The following GSDMD variants were observed in gnomAD, a reference collection of about 807,000 sequenced individuals.
GSDMD encodes the protein gasdermin D, also known as gasdermin-D.
In GSDMD, 46 loss-of-function variants were observed where a neutral mutation model predicts 46.7. The observed-to-expected ratio is 0.99, with a 90% CI of 0.78 to 1.26. The LOEUF (loss-of-function observed/expected upper bound fraction) is 1.26, where lower values mean the gene tolerates loss of function less well. GSDMD is among the 50% of genes most tolerant of loss of function. The pLI is 0.00. For missense variants in GSDMD, 649 were observed against 638.8 expected (o/e 1.02, Z -0.17); for synonymous variants, 307 against 283.1 (o/e 1.08, Z -0.85).
Position 143,561,289 on chromosome 8 carries a change from G to A in GSDMD, c.683-81G>A, listed in dbSNP as rs1823454092. 3.6e-6 allele frequency: 5 copies of A among 1,381,346 alleles called. No individual in the cohort carries two copies. The Admixed American group carries it at 7.9e-5, about 22-fold the overall frequency. 85.6% of individuals were successfully genotyped at this position (1,381,346 alleles called of 1,614,324 possible). A position where few individuals can be genotyped will look rare whatever the true frequency, so the allele number is the denominator to read the frequency against. ...TTGGGCAGGGCCTGAGCTGGACAGG[G>A]GAGCTCCTAGTAGGGGAGGGGAGGG... On this transcript the variant is annotated intron_variant, in intron 5 of 10. Transcript: ENST00000262580.
At position 143,562,329 on chromosome 8, in the gene GSDMD, T is replaced by C; in HGVS notation, c.1117T>C (p.Tyr373His). 7.5e-7 allele frequency: 1 copy of C among 1,337,090 alleles called. No homozygotes were observed. Among genetic ancestry groups the C allele is most frequent in the Non-Finnish European group, 9.8e-7 (1 of 1,015,756 alleles). 82.8% of individuals were successfully genotyped at this position (1,337,090 alleles called of 1,614,324 possible). The change falls in exon 9 of 11, where the codon TAC becomes CAC. Residue 373 changes from tyrosine to histidine, a missense_variant. Tyr to His is a moderately conservative substitution (Grantham distance 83). Transcript: ENST00000262580. ...LVPELAIPVV[Y>H]LLGALTMLSE... ...GCCGGAACTCGCTATCCCTGTTGTC[T>C]ACCTGCTGGGGGCACTGACCAGTGA... is the stretch of plus-strand genomic sequence containing the variant.
chr8:143,557,362 G>GGATGATGCCGCTGTGACGACA (rs778039771), upstream of GSDMD, among the ~76,000 whole-genome samples: 4,037 of 95,278 alleles, frequency 0.042, 200 homozygotes, highest in Middle Eastern at 0.067. Context: ...CTTTGGCGAA[G>GGATGATGCCGCTGTGACGACA]GATGCTGCCG....
At chr8:143,559,609 G>A (rs977615975) in intron 2 of GSDMD, 57 bp downstream of exon 2, 48 of 1,533,914 alleles carry the variant, frequency 3.1e-5, no homozygotes, top group East Asian at 4.5e-5. Context: ...AGAGGGGAGC[G>A]GGCTGGGGCC....
rs760915140 is a variant in GSDMD, at chr8:143,562,720, C to T, written c.1271C>T (p.Pro424Leu). 1 of 1,592,764 alleles carries T rather than the reference C, an allele frequency of 6.3e-7. No homozygotes were observed. The highest frequency in any genetic ancestry group is 1.7e-5 in the Admixed American group (1 of 57,236). Residue 424 changes from proline to leucine, a missense_variant, in exon 11 of 11, where the codon CCC becomes CTC. Pro to Leu is a moderately conservative substitution (Grantham distance 98). Coordinates refer to ENST00000262580, the MANE Select transcript of GSDMD (RefSeq NM_024736.7). ...PWQERSTMSL[P>L]PGLLGNSWGE... Reference sequence around the variant, plus strand: ...CAGGAGCGCAGCACCATGTCCCTGCCCCCCGGGCTCCTGGGGAACAGCTGG... The same window carrying T: ...CAGGAGCGCAGCACCATGTCCCTGCTCCCCGGGCTCCTGGGGAACAGCTGG...
chr8:143,553,449 C>T (rs1364174878), upstream of GSDMD: 1 of 146,406 alleles, frequency 6.8e-6, no homozygotes, highest in Non-Finnish European at 1.5e-5. Flanking sequence ...ACGTGGTGTT[C>T]CCCAGGCTCT....
rs1274041875 is a variant in GSDMD at position 143,563,002 on chromosome 8, G to A, written c.*98G>A. The A allele has an allele frequency of 6.6e-7, 1 of 1,507,932 alleles. No individual in the cohort carries two copies. Among genetic ancestry groups the A allele is most frequent in the Non-Finnish European group, 9.0e-7 (1 of 1,111,124 alleles). 93.4% of individuals were successfully genotyped at this position (1,507,932 alleles called of 1,614,324 possible). The stretch of plus-strand genomic sequence containing the variant: ...AGGCCAGGAGCCCAGTAGCCATGTG[G>A]CCAGTCTACCATGGGGCCCAGGAGT... On this transcript the variant is annotated 3_prime_UTR_variant, in exon 11 of 11. Transcript: ENST00000262580.
upstream of GSDMD, among the ~76,000 whole-genome samples, chr8:143,557,353 T>TG (rs1563902654): frequency 1.7e-4 from 25 of 147,574 alleles, no homozygotes; most frequent in Non-Finnish European, 2.8e-4. Flanking sequence ...ATGCTGCCGC[T>TG]TTGGCGAAGG....
At chr8:143,560,142 G>A (rs1471249117) in intron 3 of GSDMD, 173 bp downstream of exon 3, 1 of 726,066 alleles carries the variant, frequency 1.4e-6, no homozygotes, top group African/African-American at 1.7e-5. Context: ...CCAAAGTGCT[G>A]GGATTACAGG....
upstream of GSDMD, chr8:143,557,896 T>TTTGC (rs1823346308): frequency 6.8e-6 from 3 of 444,360 alleles, no homozygotes; most frequent in Non-Finnish European, 1.3e-5. Context: ...AAGTTGTTTG[T>TTTGC]TTGCTTGTTT....
intron 9 of GSDMD, 37 bp from the exon 10 acceptor site, chr8:143,562,411 G>A (rs765786673): frequency 6.3e-7 from 1 of 1,578,072 alleles, no homozygotes; most frequent in South Asian, 1.1e-5. Flanking sequence ...TTCCCGGTGG[G>A]CGTTCAGAAA....
chr8:143,561,198 C>G, intron 5 of GSDMD, 94 bp downstream of exon 5: 1 of 1,325,838 alleles, frequency 7.5e-7, no homozygotes, highest in Non-Finnish European at 1.1e-6. Flanking sequence ...CTGCCGTGGG[C>G]CCCTGGCTGA....
upstream of GSDMD, chr8:143,557,784 T>A (rs4266665): frequency 2.3e-5 from 7 of 310,664 alleles, no homozygotes; most frequent in Admixed American, 1.4e-4. Context: ...TTGCATTTCC[T>A]TGATGACTAA....
rs900236163 is a variant in GSDMD at position 143,559,360 on chromosome 8, G to T, written c.25G>T (p.Val9Phe). The T allele has an allele frequency of 1.2e-6, 2 of 1,612,412 alleles. No homozygotes were observed. The highest frequency in any genetic ancestry group is 1.7e-6 in the Non-Finnish European group (2 of 1,179,874). MGSAFERV[V>F]RRVVQELDHG... ...CATGGGGTCGGCCTTTGAGCGGGTA[G>T]TCCGGAGAGTGGTCCAGGAGCTGGA... Residue 9 changes from valine to phenylalanine, a missense_variant, in exon 2 of 11, where the codon GTC (valine) becomes TTC (phenylalanine). By Grantham distance (50) the Val-to-Phe change is conservative. Transcript: ENST00000262580.
chr8:143,558,541 C>A, intron 1 of GSDMD, 90 bp downstream of exon 1: 1 of 1,247,552 alleles, frequency 8.0e-7, no homozygotes, highest in Non-Finnish European at 1.0e-6. Context: ...GCTGGCCCTG[C>A]TGCCCCAGCG....
At chr8:143,555,345 G>A (rs1400815691), upstream of GSDMD, 1 of 152,354 alleles carries the variant, frequency 6.6e-6, no homozygotes, top group East Asian at 1.9e-4. Context: ...GCGGTGAAGG[G>A]TGGAGGGTGC....
In GSDMD at chr8:143,559,343, C is replaced by T. The variant is rs770774804; in HGVS notation, c.8C>T (p.Ser3Leu). The change falls in exon 2 of 11, where the codon TCG (serine) becomes TTG (leucine). Residue 3 changes from serine to leucine, a missense_variant. Ser to Leu is a moderately radical substitution (Grantham distance 145, BLOSUM62 -2). Transcript: ENST00000262580. Reference sequence around the variant, plus strand: ...TTTCCCCTCCTCAGGAGCATGGGGTCGGCCTTTGAGCGGGTAGTCCGGAGA... The same window carrying T: ...TTTCCCCTCCTCAGGAGCATGGGGTTGGCCTTTGAGCGGGTAGTCCGGAGA... Reference protein sequence around the residue: MGSAFERVVRRVV... With the variant: MGLAFERVVRRVV... 90 of 1,355,338 alleles carry T rather than the reference C, an allele frequency of 6.6e-5. No individual in the cohort carries two copies. The highest frequency in any genetic ancestry group is 8.7e-5 in the Non-Finnish European group (88 of 1,017,154). 84.0% of individuals were successfully genotyped at this position (1,355,338 alleles called of 1,614,324 possible).
chr8:143,559,661 C>A, intron 2 of GSDMD, 109 bp downstream of exon 2: 2 of 1,425,252 alleles, frequency 1.4e-6, no homozygotes, highest in South Asian at 1.3e-5. Context: ...CTGGGCCTCT[C>A]TTCCAGAGGC....
intron 1 of GSDMD, chr8:143,559,081 G>C (rs112662688): frequency 3.4e-6 from 2 of 595,822 alleles, no homozygotes. Context: ...AGGTCTGGGC[G>C]TCAGGCCTCA....
intron 4 of GSDMD, 60 bp downstream of exon 4, chr8:143,560,831 CG>C (rs1823440504): frequency 6.9e-7 from 1 of 1,453,984 alleles, no homozygotes; most frequent in Non-Finnish European, 9.1e-7. Context: ...CGGCGGGTGA[CG>C]GAGGCGGCGG....
Sources: allele counts gnomAD v4.1 joint callset (sites outside exome capture counted in the v4.1 genomes callset), GRCh38; gene constraint gnomAD v4.1.1; transcripts MANE v1.5; gene names NCBI Gene and HGNC (gene_info 2026-07-23, HGNC 2026-07-21).